PRDM10: variants seen among roughly 807,000 people sequenced by gnomAD.
PRDM10 encodes the protein PR/SET domain 10.
A neutral mutation model predicts 133.1 loss-of-function variants in PRDM10; 65 were observed. That is an observed-to-expected ratio of 0.49 (90% CI 0.40 to 0.60). The LOEUF (loss-of-function observed/expected upper bound fraction) is 0.60, where lower values mean the gene tolerates loss of function less well. Among genes scored for constraint, PRDM10 ranks in the 20% least tolerant of loss-of-function variants. The pLI is 0.00. For missense variants in PRDM10, 1,137 were observed against 1,507.1 expected (o/e 0.75, Z 4.07); for synonymous variants, 582 against 580.4 (o/e 1.00, Z -0.04).
chr11:129,932,169 C>T lies in PRDM10; in HGVS notation c.1220G>A (p.Arg407His), dbSNP rs1457296438. 1.9e-6 allele frequency: 3 copies of T among 1,614,100 alleles called. No individual in the cohort carries two copies. Among genetic ancestry groups the T allele is most frequent in the Non-Finnish European group, 2.5e-6 (3 of 1,180,004 alleles). The stretch of plus-strand genomic sequence containing the variant: ...TTCCAGGCGGATAAATTTTGGAGGA[C>T]GCCCCGGCCGTCGACCTGGACCGAA... ...RRFGPGRRPG[R>H]PPKFIRLEIT... Residue 407 changes from arginine to histidine, a missense_variant, in exon 10 of 21, where the codon CGT becomes CAT. Arg to His is a conservative substitution (Grantham distance 29). Transcript: ENST00000360871.
chr11:129,937,883 T>C (rs1476503390), intron 7 of PRDM10, among the ~76,000 whole-genome samples: 1 of 152,262 alleles, frequency 6.6e-6, no homozygotes, highest in Non-Finnish European at 1.5e-5. Flanking sequence ...CCTGTTTTCT[T>C]TTTCAGAAAA....
intron 4 of PRDM10, among the ~76,000 whole-genome samples, chr11:129,953,296 G>T (rs7934910): frequency 0.24 from 36,969 of 151,760 alleles, 7,165 homozygotes; most frequent in East Asian, 0.62. Context: ...TGTGTGTTTT[G>T]TGTTTTGTTT....
intron 15 of PRDM10, 104 bp from the exon 16 acceptor site, chr11:129,915,964 G>A (rs1037845015): frequency 9.1e-7 from 1 of 1,099,414 alleles, no homozygotes; most frequent in Non-Finnish European, 1.3e-6. Context: ...AAGTATTCAT[G>A]TAGCCCCAAA....
chr11:129,946,936 T>C (rs1213321547), intron 5 of PRDM10, among the ~76,000 whole-genome samples: 3 of 152,162 alleles, frequency 2.0e-5, no homozygotes. Flanking sequence ...TGAGCTTGTT[T>C]ACTCATCAGT....
At chr11:129,967,733 G>C (rs12275176) in intron 1 of PRDM10, among the ~76,000 whole-genome samples, 4,972 of 152,260 alleles carry the variant, frequency 0.033, 269 homozygotes, top group African/African-American at 0.11. Flanking sequence ...TGCAGGGTGA[G>C]AGTGACAGTG....
intron 13 of PRDM10, among the ~76,000 whole-genome samples, chr11:129,919,581 T>A (rs1950461757): frequency 6.6e-6 from 1 of 152,174 alleles, no homozygotes; most frequent in Non-Finnish European, 1.5e-5. Flanking sequence ...TAGTGACACA[T>A]GCTGATGTGA....
intron 13 of PRDM10, among the ~76,000 whole-genome samples, chr11:129,922,299 A>G (rs1950543370): frequency 6.6e-6 from 1 of 152,234 alleles, no homozygotes; most frequent in African/African-American, 2.4e-5. Context: ...GATGGGATGG[A>G]TGGATGGCCA....
chr11:129,979,189 T>C (rs55793088), intron 1 of PRDM10, among the ~76,000 whole-genome samples: 28,060 of 152,096 alleles, frequency 0.18, 2,813 homozygotes, highest in African/African-American at 0.27. Flanking sequence ...CTCTGTTCTA[T>C]CCTCACAAGA....
chr11:129,960,161 T>C (rs1340417459), intron 2 of PRDM10, among the ~76,000 whole-genome samples: 1 of 152,222 alleles, frequency 6.6e-6, no homozygotes, highest in Non-Finnish European at 1.5e-5. Flanking sequence ...TGTTTCAATG[T>C]AACTTCTTGA....
chr11:129,932,630 A>G (rs1451947516), intron 9 of PRDM10, among the ~76,000 whole-genome samples: 1 of 152,206 alleles, frequency 6.6e-6, no homozygotes, highest in Non-Finnish European at 1.5e-5. Flanking sequence ...TATTCCTTCC[A>G]AGAAATGTGG....
At chr11:129,966,704 G>A (rs1273704918) in intron 1 of PRDM10, among the ~76,000 whole-genome samples, 1 of 152,224 alleles carries the variant, frequency 6.6e-6, no homozygotes, top group African/African-American at 2.4e-5. Context: ...GCTGCATGAT[G>A]TGTTGTTATT....
chr11:129,955,173 T>C (rs1049001584), intron 4 of PRDM10, among the ~76,000 whole-genome samples: 1 of 152,116 alleles, frequency 6.6e-6, no homozygotes, highest in Non-Finnish European at 1.5e-5. Context: ...TATTTAAAAA[T>C]AGAGCAAGTA....
intron 7 of PRDM10, 116 bp from the exon 8 acceptor site, chr11:129,937,786 CA>C: frequency 2.4e-6 from 2 of 844,230 alleles, no homozygotes; most frequent in Admixed American, 3.0e-5. Flanking sequence ...AGCCCATTAA[CA>C]ATGGAAAAAA....
intron 1 of PRDM10, among the ~76,000 whole-genome samples, chr11:130,001,825 G>A (rs1254056736): frequency 1.3e-5 from 2 of 152,044 alleles, no homozygotes; most frequent in South Asian, 4.1e-4. Context: ...CCCTGCCTCT[G>A]CGCTGCACCC....
At chr11:129,989,539 A>C (rs1186025495) in intron 1 of PRDM10, among the ~76,000 whole-genome samples, 1 of 152,120 alleles carries the variant, frequency 6.6e-6, no homozygotes, top group Non-Finnish European at 1.5e-5. Context: ...GTAATTAAGT[A>C]GGAGACTTTC....
At chr11:130,002,642 C>T in intron 1 of PRDM10, 80 bp downstream of exon 1, 1 of 153,358 alleles carries the variant, frequency 6.5e-6, no homozygotes, top group South Asian at 1.9e-4. Flanking sequence ...TGGGACTAAG[C>T]AAAGACGAAA....
intron 10 of PRDM10, among the ~76,000 whole-genome samples, chr11:129,931,660 C>CA (rs1264879906): frequency 2.0e-5 from 3 of 151,722 alleles, no homozygotes; most frequent in Non-Finnish European, 4.4e-5. Flanking sequence ...CTCCGCCTCC[C>CA]GGTTCACGCC....
intron 1 of PRDM10, among the ~76,000 whole-genome samples, chr11:130,000,548 T>C (rs950744500): frequency 6.6e-6 from 1 of 152,164 alleles, no homozygotes; most frequent in Admixed American, 6.5e-5. Context: ...ATATACTCAA[T>C]TACATTGACA....
chr11:129,936,679 C>T (rs949428925), intron 8 of PRDM10, among the ~76,000 whole-genome samples: 2 of 152,024 alleles, frequency 1.3e-5, no homozygotes, highest in Non-Finnish European at 2.9e-5. Context: ...AGTGCTTTTC[C>T]GAGTTCTGTG....
Sources: gnomAD v4.1 joint callset for allele counts (sites outside exome capture counted in the v4.1 genomes callset) on GRCh38, gnomAD v4.1.1 for gene constraint, MANE v1.5 for transcripts, NCBI Gene and HGNC (gene_info 2026-07-23, HGNC 2026-07-21) for gene names.